SND1: variants seen among roughly 807,000 people sequenced by gnomAD.
The protein encoded by SND1 is staphylococcal nuclease domain-containing protein 1.
A neutral mutation model predicts 121.7 loss-of-function variants in SND1; 38 were observed. That is an observed-to-expected ratio of 0.31 (90% CI 0.24 to 0.41). The LOEUF is 0.41. Ranked by LOEUF, SND1 falls within the 10% of genes least tolerant of loss-of-function variation. The pLI, the probability that SND1 is intolerant of heterozygous loss-of-function variation, is 1.00. For synonymous variants in SND1, 401 were observed against 447.4 expected, an observed-to-expected ratio of 0.90 and a Z score of 1.31; for missense variants, 868 against 1,184.6, an observed-to-expected ratio of 0.73 and a Z score of 3.92.
chr7:127,679,781 C>T (rs1020962427), intron 1 of SND1, among the ~76,000 whole-genome samples: 3 of 152,204 alleles, frequency 2.0e-5, no homozygotes, highest in Non-Finnish European at 4.4e-5. Flanking sequence ...CTTTTTATTT[C>T]TGAATTATAT....
chr7:127,857,815 G>C, intron 12 of SND1: 1 of 821,498 alleles, frequency 1.2e-6, no homozygotes, highest in Non-Finnish European at 2.1e-6. Context: ...GTTCAGGAAA[G>C]AAGGGCCCAC....
At chr7:127,879,715 A>G (rs909517028) in intron 12 of SND1, among the ~76,000 whole-genome samples, 1 of 152,120 alleles carries the variant, frequency 6.6e-6, no homozygotes, top group Non-Finnish European at 1.5e-5. Context: ...TGGGGAAAGT[A>G]TAGTCAATGT....
At chr7:127,735,564 A>G (rs1442809180) in intron 10 of SND1, among the ~76,000 whole-genome samples, 4 of 152,048 alleles carry the variant, frequency 2.6e-5, no homozygotes, top group Non-Finnish European at 5.9e-5. Flanking sequence ...AAAGAAAAAT[A>G]TACCTTTAAT....
intron 16 of SND1, among the ~76,000 whole-genome samples, chr7:128,053,659 C>T (rs1793086066): frequency 6.6e-6 from 1 of 151,828 alleles, no homozygotes; most frequent in Admixed American, 6.6e-5. Context: ...TGGAAGGGGA[C>T]TTACAAAACC....
At chr7:127,824,968 CAT>C (rs774536995) in intron 11 of SND1, among the ~76,000 whole-genome samples, 12 of 152,144 alleles carry the variant, frequency 7.9e-5, no homozygotes, top group Non-Finnish European at 1.5e-4. Flanking sequence ...GGAGTAGAAA[CAT>C]GTGGACACCG....
chr7:128,082,069 C>T lies in SND1; in HGVS notation c.2110+568C>T, dbSNP rs1384089243. 2.2e-4 allele frequency: 101 copies of T among 463,774 alleles called. No homozygotes were observed. In the Admixed American group the frequency reaches 2.2e-3, roughly 10 times the overall value. 28.7% of individuals were successfully genotyped at this position (463,774 alleles called of 1,614,324 possible). A position where few individuals can be genotyped will look rare whatever the true frequency, so the allele number is the denominator to read the frequency against. ...TCTCTGAAGGACCTTCTCCTCCTTC[C>T]GTCCTGAGTGGTGTGCACTGTGGCC... On this transcript the variant is annotated intron_variant, in intron 18 of 23. Transcript: ENST00000354725.
chr7:127,659,520 A>G (rs1795272390), intron 1 of SND1, among the ~76,000 whole-genome samples: 1 of 152,204 alleles, frequency 6.6e-6, no homozygotes, highest in South Asian at 2.1e-4. Flanking sequence ...TTAAGGTACC[A>G]TCTCCTCTCT....
chr7:127,844,157 C>T (rs1799014769), intron 11 of SND1, among the ~76,000 whole-genome samples, 167 bp from the exon 12 acceptor site: 1 of 152,132 alleles, frequency 6.6e-6, no homozygotes, highest in African/African-American at 2.4e-5. Context: ...CCAACATTTT[C>T]TCCCAGTCTG....
At chr7:127,679,912 T>C (rs1179370630) in intron 1 of SND1, among the ~76,000 whole-genome samples, 1 of 152,218 alleles carries the variant, frequency 6.6e-6, no homozygotes, top group African/African-American at 2.4e-5. Context: ...TGTACAAGTT[T>C]CTGTGTGGGC....
At chr7:128,035,262 A>G (rs1385101229) in intron 16 of SND1, among the ~76,000 whole-genome samples, 1 of 152,254 alleles carries the variant, frequency 6.6e-6, no homozygotes, top group Non-Finnish European at 1.5e-5. Flanking sequence ...CCGCTCTCTT[A>G]GTCCATGATT....
At chr7:127,716,247 C>A (rs551259779) in intron 9 of SND1, among the ~76,000 whole-genome samples, 1 of 152,118 alleles carries the variant, frequency 6.6e-6, no homozygotes, top group Non-Finnish European at 1.5e-5. Context: ...CCATAAAAAT[C>A]ATCACTGGGA....
rs565486171 is a variant in SND1, at chr7:127,758,167, G to A, written c.1152+36767G>A. On this transcript the variant is annotated intron_variant, in intron 10 of 23. Transcript: ENST00000354725. ...TGTGAACTTACTATGCAAAGTCTAAGCATTTTTAAACATGTATTCATTTAA... is the reference window on the plus strand; with the variant it reads ...TGTGAACTTACTATGCAAAGTCTAAACATTTTTAAACATGTATTCATTTAA... Among the ~76,000 whole-genome samples the A allele has an allele frequency of 1.1e-4, 17 of 152,262 alleles. No individual in the cohort carries two copies. The South Asian group carries it at 3.5e-3, about 32-fold the overall frequency.
chr7:127,752,520 T>C (rs1426262879), intron 10 of SND1, among the ~76,000 whole-genome samples: 2 of 152,234 alleles, frequency 1.3e-5, no homozygotes, highest in African/African-American at 2.4e-5. Flanking sequence ...TTTTAGGTAG[T>C]GCTCTGTTTC....
intron 13 of SND1, among the ~76,000 whole-genome samples, chr7:127,902,706 A>G (rs1015419471): frequency 5.4e-5 from 8 of 148,662 alleles, no homozygotes; most frequent in Non-Finnish European, 7.5e-5. Context: ...ATTTTTACCC[A>G]TTTACAATTT....
At chr7:127,762,565 A>G (rs561639895) in intron 10 of SND1, among the ~76,000 whole-genome samples, 1 of 152,344 alleles carries the variant, frequency 6.6e-6, no homozygotes, top group Admixed American at 6.5e-5. Context: ...GCTTAGGGTT[A>G]GGTCTTCAAC....
At chr7:127,672,606 C>T (rs1248536929) in intron 1 of SND1, among the ~76,000 whole-genome samples, 1 of 151,406 alleles carries the variant, frequency 6.6e-6, no homozygotes, top group African/African-American at 2.4e-5. Flanking sequence ...GAGCAAAACT[C>T]CATCTCAAAA....
chr7:127,707,595 A>C lies in SND1; in HGVS notation c.986A>C (p.Tyr329Ser). The C allele has an allele frequency of 6.2e-7, 1 of 1,614,162 alleles. No individual in the cohort carries two copies. The highest frequency in any genetic ancestry group is 1.1e-5 in the South Asian group (1 of 91,086). ...KERRLRIWRD[Y>S]VAPTANLDQK... ...CGCAGGCTGAGAATATGGAGAGACT[A>C]TGTGGCTCCCACAGCTAATTTGGAC... The change falls in exon 9 of 24, where the codon TAT becomes TCT. Residue 329 changes from tyrosine to serine, a missense_variant. Physicochemically the swap from Tyr to Ser is moderately radical, Grantham distance 144. Around this residue, in one of 2 missense-constraint regions of SND1, gnomAD observed 743 missense variants for 1,071.3 expected, o/e 0.69. Coordinates refer to ENST00000354725, the MANE Select transcript of SND1 (RefSeq NM_014390.4).
At chr7:127,757,610 G>A (rs775649673) in intron 10 of SND1, among the ~76,000 whole-genome samples, 2 of 152,134 alleles carry the variant, frequency 1.3e-5, no homozygotes, top group Non-Finnish European at 2.9e-5. Flanking sequence ...ATCTCAGTTG[G>A]TTTTAATTTA....
At chr7:128,004,928 G>A (rs941158176) in intron 16 of SND1, among the ~76,000 whole-genome samples, 7 of 152,194 alleles carry the variant, frequency 4.6e-5, no homozygotes, top group Admixed American at 2.6e-4. Flanking sequence ...GGACAGGCCT[G>A]TGCCCTAGCT....
Sources: gnomAD v4.1 joint callset for allele counts (sites outside exome capture counted in the v4.1 genomes callset) on GRCh38, gnomAD v4.1.1 for gene constraint, gnomAD v4.1.1 regional missense constraint, MANE v1.5 for transcripts, NCBI Gene and HGNC (gene_info 2026-07-23, HGNC 2026-07-21) for gene names.